Variants in SLC4A8 observed in about 807,000 individuals in gnomAD.
SLC4A8 encodes the protein solute carrier family 4 member 8.
SLC4A8 carries 40 observed loss-of-function variants against 125.0 expected under a neutral mutation model. That is an observed-to-expected ratio of 0.32 (90% CI 0.25 to 0.42). The LOEUF (loss-of-function observed/expected upper bound fraction) is 0.42. Ranked by LOEUF, SLC4A8 falls within the 10% of genes least tolerant of loss-of-function variation. The probability of loss-of-function intolerance (pLI) is 1.00; values close to 1 mark genes in which losing one functional copy is unlikely to be tolerated. For missense variants in SLC4A8, 863 were observed against 1,355.1 expected (o/e 0.64, Z 5.70); for synonymous variants, 456 against 476.0 (o/e 0.96, Z 0.55).
intron 16 of SLC4A8, among the ~76,000 whole-genome samples, chr12:51,482,303 G>A (rs1480229712): frequency 1.3e-5 from 2 of 151,994 alleles, no homozygotes; most frequent in African/African-American, 4.8e-5. Context: ...ATAATAATTT[G>A]ATAAATATAA....
intron 14 of SLC4A8, among the ~76,000 whole-genome samples, chr12:51,473,219 C>G (rs1407305238): frequency 6.6e-6 from 1 of 152,226 alleles, no homozygotes; most frequent in Non-Finnish European, 1.5e-5. Flanking sequence ...TCTCTCCCTA[C>G]CCCCAACTCC....
intron 23 of SLC4A8, among the ~76,000 whole-genome samples, chr12:51,505,420 A>G (rs191307699): frequency 9.2e-5 from 14 of 152,256 alleles, no homozygotes; most frequent in East Asian, 1.9e-4. Flanking sequence ...TTTGTGAACT[A>G]TGAATAGAAG....
intron 1 of SLC4A8, among the ~76,000 whole-genome samples, chr12:51,405,896 C>T (rs998357581): frequency 6.6e-6 from 1 of 152,094 alleles, no homozygotes; most frequent in African/African-American, 2.4e-5. Context: ...ACTTGTTTTT[C>T]AGAAAAACAG....
chr12:51,468,221 T>C (rs1431439342), intron 11 of SLC4A8, among the ~76,000 whole-genome samples: 1 of 152,134 alleles, frequency 6.6e-6, no homozygotes, highest in Non-Finnish European at 1.5e-5. Context: ...TCCTTAGGGA[T>C]ATTTTGGTCT....
At chr12:51,425,167 C>T in intron 1 of SLC4A8, 132 bp downstream of exon 1, 1 of 1,434,366 alleles carries the variant, frequency 7.0e-7, no homozygotes, top group Non-Finnish European at 9.1e-7. Flanking sequence ...GGAGGCCAGC[C>T]CGGGACACCA....
intron 12 of SLC4A8, 51 bp from the exon 13 acceptor site, chr12:51,470,341 T>A: frequency 6.4e-7 from 1 of 1,569,244 alleles, no homozygotes; most frequent in Non-Finnish European, 8.7e-7. Context: ...AAGCCAACAT[T>A]ACTCTGTACT....
intron 19 of SLC4A8, among the ~76,000 whole-genome samples, chr12:51,493,284 G>A (rs185402706): frequency 1.3e-5 from 2 of 152,182 alleles, no homozygotes; most frequent in East Asian, 1.9e-4. Flanking sequence ...AAAAAAGGAA[G>A]CTTTTTTGGT....
intron 16 of SLC4A8, 35 bp from the exon 17 acceptor site, chr12:51,485,752 T>C: frequency 8.1e-7 from 1 of 1,231,012 alleles, no homozygotes; most frequent in South Asian, 1.2e-5. Context: ...GTATTTAACC[T>C]GCCAAAACAT....
intron 1 of SLC4A8, among the ~76,000 whole-genome samples, chr12:51,405,005 A>G (rs557818742): frequency 6.6e-6 from 1 of 152,178 alleles, no homozygotes. Flanking sequence ...AGGGCTGTCT[A>G]TGTTCATGAA....
At chr12:51,487,876 TA>T (rs747196189) in intron 17 of SLC4A8, among the ~76,000 whole-genome samples, 2 of 152,246 alleles carry the variant, frequency 1.3e-5, no homozygotes, top group Non-Finnish European at 2.9e-5. Flanking sequence ...ACTTTGCCTT[TA>T]TTTATGCTGT....
intron 1 of SLC4A8, among the ~76,000 whole-genome samples, chr12:51,433,827 GC>G (rs1353807988): frequency 8.5e-4 from 128 of 150,292 alleles, no homozygotes; most frequent in African/African-American, 2.8e-3. Flanking sequence ...CCATGACTTG[GC>G]GTCAACAATG....
chr12:51,441,734 G>C (rs952508244), intron 2 of SLC4A8, among the ~76,000 whole-genome samples: 62 of 152,184 alleles, frequency 4.1e-4, no homozygotes, highest in African/African-American at 1.5e-3. Context: ...GCCTGTTCCC[G>C]TGACAGTTTT....
chr12:51,397,725 AT>A (rs1319799069), intron 1 of SLC4A8, among the ~76,000 whole-genome samples: 31 of 140,146 alleles, frequency 2.2e-4, no homozygotes, highest in African/African-American at 7.0e-4. Flanking sequence ...TCTAAGGTGC[AT>A]TTTTAAAAAT....
At chr12:51,429,394 G>A (rs1949111793) in intron 1 of SLC4A8, among the ~76,000 whole-genome samples, 1 of 152,232 alleles carries the variant, frequency 6.6e-6, no homozygotes. Flanking sequence ...AGGATGGGAA[G>A]AGACTGCAAT....
intron 1 of SLC4A8, among the ~76,000 whole-genome samples, chr12:51,425,866 T>C (rs751342393): frequency 5.9e-5 from 9 of 152,242 alleles, no homozygotes; most frequent in Non-Finnish European, 8.8e-5. Flanking sequence ...CAGGGTTGTT[T>C]TGAGGATCAG....
chr12:51,404,394 G>A (rs1385052640), intron 1 of SLC4A8, among the ~76,000 whole-genome samples: 2 of 152,150 alleles, frequency 1.3e-5, no homozygotes, highest in Admixed American at 1.3e-4. Context: ...AAATTCAGAT[G>A]AGGCCCTCCT....
chr12:51,471,458 A>G lies in SLC4A8; in HGVS notation c.1830A>G (p.Ile610Met), dbSNP rs1565802996. 3.7e-6 allele frequency: 6 copies of G among 1,614,088 alleles called. No homozygotes were observed. The highest frequency in any genetic ancestry group is 8.5e-7 in the Non-Finnish European group (1 of 1,180,028). The stretch of plus-strand genomic sequence containing the variant: ...GCATTATTTTCATCTATGAAGCAAT[A>G]GAAAAACTGATTCACCTGGCAGAGA... ...LICIIFIYEA[I>M]EKLIHLAETY... Residue 610 changes from isoleucine (I) to methionine (M), a missense_variant, in exon 14 of 25, where the codon ATA becomes ATG. By Grantham distance (10) the Ile-to-Met change is conservative (BLOSUM62 1). Around this residue, in one of 6 missense-constraint regions of SLC4A8, gnomAD observed 76 missense variants for 80.2 expected, o/e 0.95. Transcript: ENST00000453097.
chr12:51,449,239 A>G (rs1319091316), intron 2 of SLC4A8, among the ~76,000 whole-genome samples: 1 of 152,046 alleles, frequency 6.6e-6, no homozygotes, highest in African/African-American at 2.4e-5. Context: ...GGAGTTTGAA[A>G]CAAGCCTGGG....
chr12:51,406,160 A>G lies in SLC4A8; in HGVS notation c.-112+14672A>G, dbSNP rs530548872. On this transcript the variant is annotated intron_variant, in intron 1 of 24. Coordinates refer to the SLC4A8 transcript ENST00000358657. Reference sequence around the variant, plus strand: ...GCTGTAGTTGCATTTACTTCTGCGTAAGTGGGGTTAGGACCAGAGAGGGAA... The same window carrying G: ...GCTGTAGTTGCATTTACTTCTGCGTGAGTGGGGTTAGGACCAGAGAGGGAA... Among the ~76,000 whole-genome samples, 82 of 152,356 alleles carry G rather than the reference A, an allele frequency of 5.4e-4. 1 individual carries two copies. The highest frequency in any genetic ancestry group is 1.9e-3 in the African/African-American group (80 of 41,586).
Sources: allele counts gnomAD v4.1 joint callset (sites outside exome capture counted in the v4.1 genomes callset), GRCh38; gene constraint gnomAD v4.1.1; regional missense constraint gnomAD v4.1.1; transcripts MANE v1.5; gene names NCBI Gene and HGNC (gene_info 2026-07-23, HGNC 2026-07-21).